The following APBA1 variants were observed in gnomAD, a reference collection of about 807,000 sequenced individuals.
APBA1 encodes the protein amyloid-beta A4 precursor protein-binding family A member 1.
Under a neutral mutation model 86.6 loss-of-function variants are expected in APBA1, and 55 were observed. The ratio of observed to expected loss-of-function variants is 0.64; its 90% CI spans 0.51 to 0.80. The LOEUF (loss-of-function observed/expected upper bound fraction) is 0.80. Among genes scored for constraint, APBA1 ranks in the 30% least tolerant of loss-of-function variants. The pLI, the probability that APBA1 is intolerant of heterozygous loss-of-function variation, is 0.00. For missense variants in APBA1, 1,090 were observed against 1,183.0 expected (o/e 0.92, Z 1.15); for synonymous variants, 511 against 493.9 (o/e 1.03, Z -0.46).
intron 11 of APBA1, among the ~76,000 whole-genome samples, chr9:69,434,892 C>A (rs1040017002): frequency 6.6e-6 from 1 of 150,798 alleles, no homozygotes; most frequent in Non-Finnish European, 1.5e-5. Flanking sequence ...TGTGCTACAC[C>A]CATTAACTCG....
At chr9:69,602,913 AC>A (rs759498515) in intron 1 of APBA1, among the ~76,000 whole-genome samples, 8 of 152,242 alleles carry the variant, frequency 5.3e-5, no homozygotes, top group Non-Finnish European at 1.0e-4. Context: ...ACATACACAC[AC>A]ATGACCATGA....
chr9:69,629,678 A>G (rs1400507631), intron 1 of APBA1, among the ~76,000 whole-genome samples: 2 of 152,236 alleles, frequency 1.3e-5, no homozygotes, highest in Non-Finnish European at 2.9e-5. Context: ...TATAACCATC[A>G]GTCACTCAAC....
At chr9:69,654,128 A>G (rs1309753686) in intron 1 of APBA1, among the ~76,000 whole-genome samples, 3 of 151,866 alleles carry the variant, frequency 2.0e-5, no homozygotes, top group Non-Finnish European at 4.4e-5. Context: ...AAAAAAAAAA[A>G]AAAAAGAGGG....
intron 1 of APBA1, among the ~76,000 whole-genome samples, chr9:69,618,752 T>G (rs1002328829): frequency 6.6e-6 from 1 of 152,204 alleles, no homozygotes; most frequent in African/African-American, 2.4e-5. Context: ...GGCTCAAGAT[T>G]TGTCATAAGA....
rs145639704 is a variant in APBA1 at position 69,493,520 on chromosome 9, C to G, written c.1201-17377G>C. On this transcript the variant is annotated intron_variant, in intron 2 of 12. Transcript: ENST00000265381. ...CTGCATGCATTGTGTTTGTACCATT[C>G]TTAAGGTGCCTCACTGTCTCCCTTC... Among the ~76,000 whole-genome samples, 1,321 of 152,162 alleles carry G rather than the reference C, an allele frequency of 8.7e-3. 20 individuals carry two copies. Among genetic ancestry groups the G allele is most frequent in the African/African-American group, 0.03 (1,240 of 41,506 alleles).
rs1412352640 is a variant in APBA1 at position 69,430,514 on chromosome 9, A to C, written c.*813T>G. 3 of 150,884 alleles carry C rather than the reference A, an allele frequency of 2.0e-5. No individual in the cohort carries two copies. Among genetic ancestry groups the C allele is most frequent in the African/African-American group, 7.4e-5 (3 of 40,732 alleles). 9.3% of individuals were successfully genotyped at this position (150,884 alleles called of 1,614,324 possible). On this transcript the variant is annotated 3_prime_UTR_variant, in exon 13 of 13. Transcript: ENST00000265381. ...AGCTTGTCTCACTGGTGGTGGGAGC[A>C]GGGAAGGGTGATATGCAAATGGGAC...
intron 1 of APBA1, among the ~76,000 whole-genome samples, chr9:69,650,091 A>G (rs1823468415): frequency 6.6e-6 from 1 of 152,174 alleles, no homozygotes; most frequent in African/African-American, 2.4e-5. Context: ...GCAGTGTGGT[A>G]TACTGGTTAT....
chr9:69,654,869 G>T (rs1588414320), intron 1 of APBA1, among the ~76,000 whole-genome samples: 1 of 152,048 alleles, frequency 6.6e-6, no homozygotes, highest in African/African-American at 2.4e-5. Context: ...TGATCAAGTG[G>T]GATTCATCCC....
In APBA1 at chr9:69,454,551, A is replaced by G. The variant is rs140443178; in HGVS notation, c.1788+1696T>C. On this transcript the variant is annotated intron_variant, in intron 8 of 12. Transcript: ENST00000265381. ...AGTGGCTGCACAGCTTGGATGAGGA[A>G]GGACTCAAGCTCAGCTTGCCCAATT... 2.6e-5 allele frequency among the ~76,000 whole-genome samples: 4 copies of G among 152,320 alleles called. 1 individual carries two copies. In the East Asian group the frequency reaches 7.7e-4, roughly 29 times the overall value.
Position 69,559,262 on chromosome 9 carries a change from ACATACAGTGAGGTG to A in APBA1, c.-69-41997_-69-41984del, listed in dbSNP as rs552107248. ...TCTTTCTGGGGGGTAGGTTTAAAATACATACAGTGAGGTGCATAATGTGCATGCATTTAAAGGGT... is the reference window on the plus strand; with the variant it reads ...TCTTTCTGGGGGGTAGGTTTAAAATACATAATGTGCATGCATTTAAAGGGT... On this transcript the variant is annotated intron_variant, in intron 1 of 12. Transcript: ENST00000265381. 1.1e-4 allele frequency among the ~76,000 whole-genome samples: 16 copies of A among 152,300 alleles called. No individual in the cohort carries two copies. In the South Asian group the frequency reaches 3.3e-3, roughly 32 times the overall value.
At chr9:69,488,940 T>C (rs1835655443) in intron 2 of APBA1, among the ~76,000 whole-genome samples, 1 of 151,998 alleles carries the variant, frequency 6.6e-6, no homozygotes. Flanking sequence ...GAAAGACCTC[T>C]TCAAGGAGAA....
At chr9:69,467,760 T>C in intron 5 of APBA1, 63 bp downstream of exon 5, 1 of 1,597,762 alleles carries the variant, frequency 6.3e-7, no homozygotes, top group Non-Finnish European at 8.6e-7. Context: ...TGGCCAGTGT[T>C]GTAGACTGCT....
intron 4 of APBA1, among the ~76,000 whole-genome samples, chr9:69,469,209 T>C (rs1250392335): frequency 6.6e-6 from 1 of 152,206 alleles, no homozygotes; most frequent in Non-Finnish European, 1.5e-5. Flanking sequence ...GACTAAAATA[T>C]ACATTTTAAC....
intron 1 of APBA1, among the ~76,000 whole-genome samples, chr9:69,611,671 C>G (rs1460203456): frequency 2.0e-5 from 3 of 152,166 alleles, no homozygotes; most frequent in Non-Finnish European, 4.4e-5. Flanking sequence ...GTCTTATCAA[C>G]TAATCAGTTT....
At chr9:69,468,354 T>C (rs1352977184) in intron 4 of APBA1, among the ~76,000 whole-genome samples, 1 of 152,252 alleles carries the variant, frequency 6.6e-6, no homozygotes, top group Non-Finnish European at 1.5e-5. Context: ...AACTAGATAT[T>C]TGCTGGATAA....
intron 1 of APBA1, among the ~76,000 whole-genome samples, chr9:69,605,355 T>C (rs1822451876): frequency 6.6e-6 from 1 of 152,190 alleles, no homozygotes; most frequent in Admixed American, 6.5e-5. Context: ...CAAGCTCTTA[T>C]ACAGCTATAA....
chr9:69,543,137 C>T (rs1251037423), intron 1 of APBA1, among the ~76,000 whole-genome samples: 6 of 152,214 alleles, frequency 3.9e-5, no homozygotes, highest in Non-Finnish European at 7.3e-5. Context: ...GAACAGCACT[C>T]AATGGATTTA....
chr9:69,481,974 G>C (rs1367134522), intron 2 of APBA1, among the ~76,000 whole-genome samples: 2 of 150,736 alleles, frequency 1.3e-5, no homozygotes, highest in Non-Finnish European at 3.0e-5. Flanking sequence ...ATCAATTCAA[G>C]ATGGATTAAA....
intron 1 of APBA1, among the ~76,000 whole-genome samples, chr9:69,598,022 T>C (rs1822266475): frequency 1.3e-5 from 2 of 151,696 alleles, no homozygotes; most frequent in African/African-American, 4.9e-5. Flanking sequence ...TAGCAAAGAC[T>C]TGGAACCAAC....
Sources: gnomAD v4.1 joint callset for allele counts (sites outside exome capture counted in the v4.1 genomes callset) on GRCh38, gnomAD v4.1.1 for gene constraint, MANE v1.5 for transcripts, NCBI Gene and HGNC (gene_info 2026-07-23, HGNC 2026-07-21) for gene names.